The following SEPTIN11 variants were observed in gnomAD, a reference collection of about 807,000 sequenced individuals.
SEPTIN11 encodes septin 11.
A neutral mutation model predicts 51.4 loss-of-function variants in SEPTIN11; 25 were observed. The observed-to-expected ratio is 0.49, with a 90% CI of 0.35 to 0.68. The LOEUF is 0.68. SEPTIN11 is among the 30% of genes least tolerant of loss of function. The pLI is 0.00. For synonymous variants in SEPTIN11, 174 were observed against 184.1 expected, an observed-to-expected ratio of 0.95 and a Z score of 0.44; for missense variants, 381 against 520.8, an observed-to-expected ratio of 0.73 and a Z score of 2.61.
chr4:77,033,105 C>T (rs1264653601), intron 9 of SEPTIN11, among the ~76,000 whole-genome samples: 2 of 152,108 alleles, frequency 1.3e-5, no homozygotes, highest in East Asian at 3.8e-4. Flanking sequence ...CCCTTTTCCA[C>T]ACTTTACATT....
rs762419266 is a variant in SEPTIN11, at chr4:77,020,497, T to G, written c.785-5T>G. Reference sequence around the variant, plus strand: ...CACTTCCGCCATTTCCCCCCTCTCTTGTAGTTGAGAATGAAAATCATTGCG... The same window carrying G: ...CACTTCCGCCATTTCCCCCCTCTCTGGTAGTTGAGAATGAAAATCATTGCG... On this transcript the variant is annotated splice_region_variant and splice_polypyrimidine_tract_variant and intron_variant, in intron 6 of 9. Coordinates refer to ENST00000264893, the MANE Select transcript of SEPTIN11 (RefSeq NM_018243.4). The G allele has an allele frequency of 1.9e-6, 3 of 1,613,386 alleles. No homozygotes were observed. The South Asian group carries it at 3.3e-5, about 18-fold the overall frequency.
In SEPTIN11 at chr4:76,949,845, C is replaced by G; in HGVS notation, c.-59C>G. On this transcript the variant is annotated 5_prime_UTR_variant, in exon 1 of 10. Coordinates refer to ENST00000264893, the MANE Select transcript of SEPTIN11 (RefSeq NM_018243.4). Reference sequence around the variant, plus strand: ...AGGCGAGCCGGAGCCCGAGCACTAGCAGCAGCCGGAGTCGGCGTAAAGCAC... The same window carrying G: ...AGGCGAGCCGGAGCCCGAGCACTAGGAGCAGCCGGAGTCGGCGTAAAGCAC... 2 of 1,500,728 alleles carry G rather than the reference C, an allele frequency of 1.3e-6. No homozygotes were observed. The highest frequency in any genetic ancestry group is 2.5e-5 in the South Asian group (2 of 81,514). The allele number at this position is 1,500,728 out of a possible 1,614,324, so 93.0% of individuals were successfully genotyped here. A position where few individuals can be genotyped will look rare whatever the true frequency, so the allele number is the denominator to read the frequency against.
At chr4:76,974,508 GA>G in intron 1 of SEPTIN11, 1 of 234,412 alleles carries the variant, frequency 4.3e-6, no homozygotes, top group Non-Finnish European at 8.6e-6. Flanking sequence ...GAGAGTGAGT[GA>G]CCTGCTTAAG....
At chr4:76,975,114 A>G (rs1029152084) in intron 1 of SEPTIN11, among the ~76,000 whole-genome samples, 1 of 147,684 alleles carries the variant, frequency 6.8e-6, no homozygotes, top group African/African-American at 2.5e-5. Flanking sequence ...ACTATGTTTC[A>G]AAAAAAAAAA....
At chr4:76,999,035 GT>G (rs2109938840) in intron 2 of SEPTIN11, among the ~76,000 whole-genome samples, 1 of 152,248 alleles carries the variant, frequency 6.6e-6, no homozygotes, top group East Asian at 1.9e-4. Context: ...GTGCTTTCTT[GT>G]TTTGCTTTTA....
At chr4:76,955,928 G>T (rs1270812267) in intron 1 of SEPTIN11, among the ~76,000 whole-genome samples, 2 of 152,126 alleles carry the variant, frequency 1.3e-5, no homozygotes, top group Non-Finnish European at 2.9e-5. Context: ...GTGGGGCTGG[G>T]GGGGAAGATG....
intron 9 of SEPTIN11, among the ~76,000 whole-genome samples, chr4:77,034,161 C>T (rs1726875135): frequency 6.6e-6 from 1 of 152,198 alleles, no homozygotes; most frequent in South Asian, 2.1e-4. Flanking sequence ...ATGGGACACC[C>T]AAACCTAATA....
chr4:76,987,038 A>G (rs1175575527), intron 1 of SEPTIN11, among the ~76,000 whole-genome samples: 1 of 152,196 alleles, frequency 6.6e-6, no homozygotes, highest in Non-Finnish European at 1.5e-5. Flanking sequence ...ACTTGGAGAT[A>G]GCACTTGGAA....
intron 1 of SEPTIN11, among the ~76,000 whole-genome samples, chr4:76,969,030 T>G (rs1385766349): frequency 6.6e-6 from 1 of 152,202 alleles, no homozygotes; most frequent in African/African-American, 2.4e-5. Context: ...TGGAATAGTC[T>G]TCTTCCCACA....
chr4:76,957,421 C>T (rs556047458), intron 1 of SEPTIN11, among the ~76,000 whole-genome samples: 17 of 152,178 alleles, frequency 1.1e-4, no homozygotes, highest in South Asian at 6.2e-4. Context: ...TCTAGAGTAT[C>T]GGTTTTACCA....
Position 77,035,006 on chromosome 4 carries a change from T to A in SEPTIN11, c.*494T>A, listed in dbSNP as rs1726935082. 2.0e-6 allele frequency: 2 copies of A among 985,964 alleles called. No homozygotes were observed. Among genetic ancestry groups the A allele is most frequent in the African/African-American group, 3.5e-5 (2 of 57,266 alleles). 61.1% of individuals were successfully genotyped at this position (985,964 alleles called of 1,614,324 possible). Reference sequence around the variant, plus strand: ...CTTGTCCTAAGCCAAGGTAGATTTGTACGTAGACAGACTGGTGAGCAAGCA... The same window carrying A: ...CTTGTCCTAAGCCAAGGTAGATTTGAACGTAGACAGACTGGTGAGCAAGCA... On this transcript the variant is annotated 3_prime_UTR_variant, in exon 10 of 10. Coordinates refer to ENST00000264893, the MANE Select transcript of SEPTIN11 (RefSeq NM_018243.4).
intron 9 of SEPTIN11, 27 bp downstream of exon 9, chr4:77,030,997 G>A (rs1315777731): frequency 5.7e-6 from 9 of 1,574,846 alleles, no homozygotes; most frequent in East Asian, 2.2e-5. Context: ...CCCCTGTATC[G>A]GGGACCTCTA....
At chr4:76,989,090 A>C (rs1723204151) in intron 1 of SEPTIN11, among the ~76,000 whole-genome samples, 2 of 152,232 alleles carry the variant, frequency 1.3e-5, no homozygotes, top group African/African-American at 2.4e-5. Context: ...ACAAAGAACC[A>C]GAGACTTTGT....
intron 9 of SEPTIN11, among the ~76,000 whole-genome samples, chr4:77,033,219 C>T (rs375424958): frequency 4.6e-5 from 7 of 151,986 alleles, no homozygotes; most frequent in South Asian, 4.2e-4. Flanking sequence ...TTAGAGGGAC[C>T]GCAGAAAGAC....
intron 1 of SEPTIN11, among the ~76,000 whole-genome samples, chr4:76,990,383 A>C (rs62302301): frequency 1.1e-3 from 162 of 152,280 alleles, no homozygotes; most frequent in Admixed American, 1.8e-3. Context: ...CAGGAAGGCC[A>C]GCTGGCTTCA....
At position 77,024,972 on chromosome 4, in the gene SEPTIN11, A is replaced by G. The variant is rs1011715701; in HGVS notation, c.954-3657A>G. 6.6e-6 allele frequency among the ~76,000 whole-genome samples: 1 copy of G among 152,182 alleles called. No individual in the cohort carries two copies. On this transcript the variant is annotated intron_variant, in intron 7 of 9. Transcript: ENST00000264893. This position sits in a 1 kb window ranked among gnomAD's most constrained non-coding sequence, Gnocchi z 4.2. ...CATACTCTGGCCTGCCCTCCACTAG[A>G]TGCTTTTAGATAAGAACAGAGAGAG...
rs55728971 is a variant in SEPTIN11, at chr4:76,994,900, CTTTTTTT to C, written c.28-1503_28-1497del. Among the ~76,000 whole-genome samples the C allele has an allele frequency of 5.8e-4, 32 of 54,882 alleles. 1 individual carries two copies. Among genetic ancestry groups the C allele is most frequent in the Admixed American group, 4.5e-3 (15 of 3,298 alleles). The allele number at this position is 54,882 out of a possible 152,430, so 36.0% of individuals were successfully genotyped here. ...ATTGACTAAGTGATCCTGTACAAAG[CTTTTTTT>C]TTTTTTTTTTTTTTTTTTTTTAAAT... On this transcript the variant is annotated intron_variant, in intron 1 of 9. Coordinates refer to ENST00000264893, the MANE Select transcript of SEPTIN11 (RefSeq NM_018243.4).
intron 1 of SEPTIN11, among the ~76,000 whole-genome samples, chr4:76,958,176 C>A (rs570224626): frequency 6.6e-6 from 1 of 152,218 alleles, no homozygotes; most frequent in Non-Finnish European, 1.5e-5. Flanking sequence ...TGTCAACCCC[C>A]GGTAGGTGTA....
chr4:77,037,322 A>C lies in SEPTIN11; in HGVS notation c.*2810A>C. The C allele has an allele frequency of 1.1e-6, 1 of 939,292 alleles. No individual in the cohort carries two copies. The highest frequency in any genetic ancestry group is 4.9e-5 in the South Asian group (1 of 20,350). The allele number at this position is 939,292 out of a possible 1,614,324, so 58.2% of individuals were successfully genotyped here. A position where few individuals can be genotyped will look rare whatever the true frequency, so the allele number is the denominator to read the frequency against. ...GGTTGCAGTGAGCCAAGATTGCACC[A>C]CTGCATTCCAACCTGGGTGATGAAG... On this transcript the variant is annotated 3_prime_UTR_variant, in exon 10 of 10. Transcript: ENST00000264893.
Sources: gnomAD v4.1 joint callset for allele counts (sites outside exome capture counted in the v4.1 genomes callset) on GRCh38, gnomAD v4.1.1 for gene constraint, Gnocchi (gnomAD v3.1) non-coding constraint, MANE v1.5 for transcripts, NCBI Gene and HGNC (gene_info 2026-07-23, HGNC 2026-07-21) for gene names.